The following PSPH variants were observed in gnomAD, a reference collection of about 807,000 sequenced individuals.
PSPH encodes L-3-phosphoserine phosphatase.
Under a neutral mutation model 23.4 loss-of-function variants are expected in PSPH, and 16 were observed. The observed-to-expected ratio is 0.68, with a 90% CI of 0.46 to 1.04. The LOEUF (loss-of-function observed/expected upper bound fraction) is 1.04, where lower values mean the gene tolerates loss of function less well. PSPH is among the 50% of genes least tolerant of loss of function. The pLI is 0.00. For missense variants in PSPH, 223 were observed against 273.7 expected, an observed-to-expected ratio of 0.81 and a Z score of 1.31; for synonymous variants, 68 against 99.7, an observed-to-expected ratio of 0.68 and a Z score of 1.89.
chr7:56,050,477 A>G (rs1793871408), intron 1 of PSPH, among the ~76,000 whole-genome samples: 1 of 151,872 alleles, frequency 6.6e-6, no homozygotes. Context: ...TGTTACCCAG[A>G]CTGGTCTTGA....
chr7:56,021,621 T>TC (rs1789469380), intron 3 of PSPH, among the ~76,000 whole-genome samples: 2 of 151,110 alleles, frequency 1.3e-5, no homozygotes, highest in South Asian at 2.1e-4. Flanking sequence ...TTTTTTTTTT[T>TC]CTACCTAATT....
chr7:56,034,810 C>T (rs1168965763), intron 1 of PSPH, among the ~76,000 whole-genome samples: 1 of 152,214 alleles, frequency 6.6e-6, no homozygotes, highest in African/African-American at 2.4e-5. Flanking sequence ...GCCACCACGC[C>T]CGGCCAAGAC....
intron 3 of PSPH, among the ~76,000 whole-genome samples, chr7:56,024,013 A>G (rs6975311): frequency 0.67 from 101,164 of 151,454 alleles, 34,983 homozygotes; most frequent in Non-Finnish European, 0.76. Flanking sequence ...TGCAAGCTCC[A>G]CCTCCCGGGT....
intron 1 of PSPH, among the ~76,000 whole-genome samples, chr7:56,049,215 C>T (rs1192191554): frequency 6.6e-6 from 1 of 150,940 alleles, no homozygotes; most frequent in Non-Finnish European, 1.5e-5. Flanking sequence ...TAAGCCACTG[C>T]GTCCAGCCCC....
chr7:56,016,805 G>A (rs1440392547), intron 6 of PSPH, among the ~76,000 whole-genome samples: 1 of 151,754 alleles, frequency 6.6e-6, no homozygotes, highest in Non-Finnish European at 1.5e-5. Context: ...TTGAACTCCT[G>A]ACCTCAAGTG....
chr7:56,021,335 G>A, intron 3 of PSPH, 104 bp from the exon 4 acceptor site: 1 of 1,143,750 alleles, frequency 8.7e-7, no homozygotes, highest in Non-Finnish European at 1.3e-6. Flanking sequence ...GTCAGTGCAG[G>A]CCACATAAGA....
At chr7:56,026,020 T>TA (rs1294373320) in intron 3 of PSPH, among the ~76,000 whole-genome samples, 6 of 152,146 alleles carry the variant, frequency 3.9e-5, no homozygotes, top group Non-Finnish European at 8.8e-5. Flanking sequence ...TGGCCTCCCT[T>TA]ATACCACATT....
At chr7:56,049,212 C>T (rs948075598) in intron 1 of PSPH, among the ~76,000 whole-genome samples, 4 of 151,940 alleles carry the variant, frequency 2.6e-5, no homozygotes, top group African/African-American at 9.7e-5. Context: ...GCATAAGCCA[C>T]TGCGTCCAGC....
rs867277158 is a variant in PSPH, at chr7:56,021,355, C to T, written c.-19-124G>A. On this transcript the variant is annotated intron_variant, in intron 3 of 7. Transcript: ENST00000275605. ...TGCAGGCCACATAAGAGTGTTCTCA[C>T]AGATTCATTTTTTTTTCCTTTTCTT... The T allele has an allele frequency of 6.1e-4, 341 of 558,294 alleles. No homozygotes were observed. In the Middle Eastern group the frequency reaches 0.012, roughly 20 times the overall value. The allele number at this position is 558,294 out of a possible 1,614,324, so 34.6% of individuals were successfully genotyped here.
chr7:56,043,444 G>A (rs563738248), intron 1 of PSPH, among the ~76,000 whole-genome samples: 146 of 152,124 alleles, frequency 9.6e-4, no homozygotes, highest in Middle Eastern at 3.4e-3. Flanking sequence ...CATGAGGCCA[G>A]GAGTTCAAGG....
intron 1 of PSPH, among the ~76,000 whole-genome samples, chr7:56,041,874 G>A (rs1465022603): frequency 2.0e-5 from 3 of 151,694 alleles, no homozygotes; most frequent in African/African-American, 7.3e-5. Flanking sequence ...AGTCAGCTGA[G>A]ATTGTGCCAC....
chr7:56,017,048 G>A (rs1000119454), intron 6 of PSPH, among the ~76,000 whole-genome samples, 186 bp downstream of exon 6: 4 of 152,332 alleles, frequency 2.6e-5, no homozygotes, highest in African/African-American at 9.6e-5. Context: ...AGCTAGGACA[G>A]GTGATGACCT....
At chr7:56,036,022 A>G (rs1422085045) in intron 1 of PSPH, among the ~76,000 whole-genome samples, 2 of 152,082 alleles carry the variant, frequency 1.3e-5, no homozygotes, top group Non-Finnish European at 2.9e-5. Context: ...TGAGGCCAGG[A>G]GTTCAAGACT....
intron 1 of PSPH, among the ~76,000 whole-genome samples, chr7:56,039,774 CA>C (rs67220264): frequency 0.27 from 17,616 of 64,976 alleles, 1,080 homozygotes; most frequent in South Asian, 0.35. Flanking sequence ...GACTCTGTCT[CA>C]AAAAAAAAAA....
intron 3 of PSPH, among the ~76,000 whole-genome samples, chr7:56,028,993 T>C (rs1279194068): frequency 6.6e-6 from 1 of 151,878 alleles, no homozygotes; most frequent in Non-Finnish European, 1.5e-5. Flanking sequence ...TTCTGTATTT[T>C]TAGTAGAGAT....
intron 2 of PSPH, among the ~76,000 whole-genome samples, chr7:56,032,705 C>T (rs993573428): frequency 1.3e-5 from 2 of 151,108 alleles, no homozygotes; most frequent in East Asian, 3.9e-4. Flanking sequence ...AATCCCAGCA[C>T]TTCGGGAGGC....
intron 7 of PSPH, among the ~76,000 whole-genome samples, chr7:56,014,561 A>C (rs1273900574): frequency 6.6e-6 from 1 of 151,898 alleles, no homozygotes; most frequent in South Asian, 2.1e-4. Flanking sequence ...CACTATGTTG[A>C]CCAGGCTGGT....
chr7:56,017,461 A>G, intron 5 of PSPH, 82 bp from the exon 6 acceptor site: 1 of 1,557,106 alleles, frequency 6.4e-7, no homozygotes, highest in Non-Finnish European at 8.7e-7. Flanking sequence ...AGAGGGAAAT[A>G]AGATACATTT....
chr7:56,018,071 C>A (rs946070411), intron 5 of PSPH, among the ~76,000 whole-genome samples: 1 of 144,398 alleles, frequency 6.9e-6, no homozygotes, highest in African/African-American at 2.5e-5. Flanking sequence ...AGGGGCTGGG[C>A]GTGGTGGCTC....
Sources: allele counts gnomAD v4.1 joint callset (sites outside exome capture counted in the v4.1 genomes callset), GRCh38; gene constraint gnomAD v4.1.1; transcripts MANE v1.5; gene names NCBI Gene and HGNC (gene_info 2026-07-23, HGNC 2026-07-21).